GALNT13: variants seen among roughly 807,000 people sequenced by gnomAD.
GALNT13 encodes polypeptide N-acetylgalactosaminyltransferase 13.
Under a neutral mutation model 64.2 loss-of-function variants are expected in GALNT13, and 28 were observed. The observed-to-expected ratio is 0.44, with a 90% CI of 0.32 to 0.60. GALNT13 has a LOEUF of 0.60. GALNT13 is among the 20% of genes least tolerant of loss of function. GALNT13 has a pLI of 0.05. For synonymous variants in GALNT13, 214 were observed against 224.6 expected (o/e 0.95, Z 0.42); for missense variants, 577 against 669.8 (o/e 0.86, Z 1.53).
At chr2:153,733,662 C>G in the GALNT13 span, among the ~76,000 whole-genome samples, 1 of 152,132 alleles carries the variant, frequency 6.6e-6, no homozygotes. Context: ...GTGGCTTCCT[C>G]TCCGTGTAAG....
At chr2:153,259,010 C>T in the GALNT13 span, among the ~76,000 whole-genome samples, 3 of 152,226 alleles carry the variant, frequency 2.0e-5, no homozygotes, top group South Asian at 6.2e-4. Context: ...TGTCGGTTCT[C>T]TTTCTGGATG....
At position 153,876,191 on chromosome 2, in the gene GALNT13, C is replaced by T. The variant is rs77616449; in HGVS notation, c.-177+3888C>T. ...TATTTAATGACATTTCTAACAGCAA[C>T]CCCCCCACACTACACACACACACAC... On this transcript the variant is annotated intron_variant, in intron 1 of 12. Transcript: ENST00000392825. Among the ~76,000 whole-genome samples the T allele has an allele frequency of 2.9e-3, 411 of 143,276 alleles. 8 individuals are homozygous for T. The East Asian group carries it at 0.061, about 21-fold the overall frequency. 94.0% of individuals were successfully genotyped at this position (143,276 alleles called of 152,430 possible).
intron 9 of GALNT13, among the ~76,000 whole-genome samples, chr2:154,360,484 C>T (rs1553519440): frequency 1.1e-5 from 1 of 87,650 alleles, no homozygotes; most frequent in Non-Finnish European, 2.7e-5. Context: ...AAAGGAAGTA[C>T]CACAGACTGT....
chr2:153,160,551 G>A, the GALNT13 span, among the ~76,000 whole-genome samples: 1 of 152,126 alleles, frequency 6.6e-6, no homozygotes, highest in African/African-American at 2.4e-5. Context: ...CTGATTGAAT[G>A]TAGGTCATGA....
At chr2:153,467,026 C>T in the GALNT13 span, among the ~76,000 whole-genome samples, 3 of 151,968 alleles carry the variant, frequency 2.0e-5, no homozygotes, top group Admixed American at 6.6e-5. Flanking sequence ...AGTCTTTTAA[C>T]TATGAGGCAT....
chr2:153,194,074 A>T, the GALNT13 span, among the ~76,000 whole-genome samples: 2 of 152,088 alleles, frequency 1.3e-5, no homozygotes, highest in African/African-American at 4.8e-5. Flanking sequence ...AAGGGAGAAG[A>T]TATTTTGTAC....
At chr2:154,171,935 C>G (rs765408128) in intron 4 of GALNT13, among the ~76,000 whole-genome samples, 49 of 150,476 alleles carry the variant, frequency 3.3e-4, no homozygotes, top group South Asian at 2.1e-4. Flanking sequence ...AACATAATAT[C>G]CATGCTCAAT....
At chr2:154,368,316 G>A (rs540700679) in intron 9 of GALNT13, among the ~76,000 whole-genome samples, 2 of 152,220 alleles carry the variant, frequency 1.3e-5, no homozygotes, top group Non-Finnish European at 2.9e-5. Flanking sequence ...GTATAGCTCA[G>A]ACAAAGCTGA....
chr2:153,693,562 C>T, the GALNT13 span, among the ~76,000 whole-genome samples: 10 of 151,892 alleles, frequency 6.6e-5, no homozygotes, highest in Non-Finnish European at 1.2e-4. Flanking sequence ...GAAAAACACA[C>T]GTTACAATAG....
chr2:153,649,395 T>G, the GALNT13 span, among the ~76,000 whole-genome samples: 2 of 151,906 alleles, frequency 1.3e-5, no homozygotes, highest in African/African-American at 4.8e-5. Flanking sequence ...ATCAATTTTG[T>G]TGATCTTTTC....
At chr2:153,657,412 G>C in the GALNT13 span, among the ~76,000 whole-genome samples, 1 of 152,034 alleles carries the variant, frequency 6.6e-6, no homozygotes, top group East Asian at 1.9e-4. Context: ...CTGTGTGACA[G>C]GCATGGTACT....
the GALNT13 span, among the ~76,000 whole-genome samples, chr2:153,359,783 CAT>C: frequency 1.3e-5 from 2 of 151,270 alleles, no homozygotes; most frequent in African/African-American, 4.9e-5. Context: ...AATTACAATT[CAT>C]ATATTAAAGA....
chr2:153,182,531 C>A, the GALNT13 span, among the ~76,000 whole-genome samples: 67 of 152,242 alleles, frequency 4.4e-4, 1 homozygote, highest in African/African-American at 1.5e-3. Context: ...TGGTTTGCTG[C>A]ACAGATTATC....
At chr2:153,106,977 C>T in the GALNT13 span, among the ~76,000 whole-genome samples, 44 of 152,202 alleles carry the variant, frequency 2.9e-4, no homozygotes, top group African/African-American at 9.1e-4. Context: ...AAGCAACACA[C>T]TTTTCAAAAA....
At chr2:154,086,865 G>A (rs1417958364) in intron 3 of GALNT13, among the ~76,000 whole-genome samples, 2 of 152,068 alleles carry the variant, frequency 1.3e-5, no homozygotes, top group Middle Eastern at 3.2e-3. Context: ...TAAACATACC[G>A]TTATATAAAA....
the GALNT13 span, among the ~76,000 whole-genome samples, chr2:153,149,269 C>T: frequency 1.3e-5 from 2 of 151,958 alleles, no homozygotes; most frequent in East Asian, 3.9e-4. Flanking sequence ...AGACGTTACA[C>T]AACTTTTCCA....
chr2:154,435,990 C>T (rs1370574866), intron 11 of GALNT13: 1 of 152,066 alleles, frequency 6.6e-6, no homozygotes, highest in Non-Finnish European at 1.5e-5. Context: ...TACTGACATG[C>T]ACTGACTTTT....
At chr2:154,002,432 A>G (rs1293981064) in intron 3 of GALNT13, among the ~76,000 whole-genome samples, 1 of 151,758 alleles carries the variant, frequency 6.6e-6, no homozygotes, top group African/African-American at 2.4e-5. Flanking sequence ...TCTTTTGGTC[A>G]AGTCTGCTGT....
At chr2:153,257,425 C>T in the GALNT13 span, among the ~76,000 whole-genome samples, 9 of 152,124 alleles carry the variant, frequency 5.9e-5, no homozygotes, top group Admixed American at 5.9e-4. Flanking sequence ...GCGTGGCTCA[C>T]ACTGGGAGCT....
Sources: allele counts gnomAD v4.1 joint callset (sites outside exome capture counted in the v4.1 genomes callset), GRCh38; gene constraint gnomAD v4.1.1; transcripts MANE v1.5; gene names NCBI Gene and HGNC (gene_info 2026-07-23, HGNC 2026-07-21).